The following INPP4B variants were observed in gnomAD, a reference collection of about 807,000 sequenced individuals.
INPP4B encodes inositol polyphosphate-4-phosphatase type II B.
Under a neutral mutation model 122.5 loss-of-function variants are expected in INPP4B, and 55 were observed. The observed-to-expected ratio is 0.45, with a 90% confidence interval of 0.36 to 0.56. The LOEUF is 0.56. Among genes scored for constraint, INPP4B ranks in the 20% least tolerant of loss-of-function variants. INPP4B has a pLI of 0.00. For missense variants in INPP4B, 1,000 were observed against 1,097.7 expected (o/e 0.91, Z 1.26); for synonymous variants, 403 against 388.7 (o/e 1.04, Z -0.43).
Position 142,723,936 on chromosome 4 carries a change from C to T in INPP4B, c.-191+1903G>A, listed in dbSNP as rs192268093. 1.9e-3 allele frequency among the ~76,000 whole-genome samples: 289 copies of T among 152,178 alleles called. 2 individuals are homozygous for T. The highest frequency in any genetic ancestry group is 2.9e-4 in the Non-Finnish European group (20 of 67,958). On this transcript the variant is annotated intron_variant, in intron 2 of 25. Transcript: ENST00000262992. The stretch of plus-strand genomic sequence containing the variant: ...GATAATGACATAAACGTCATTTCTC[C>T]TGGCCATAGTTCTCCCATCCCTAGC...
chr4:142,324,059 G>C (rs997709967), intron 7 of INPP4B, among the ~76,000 whole-genome samples: 1 of 152,144 alleles, frequency 6.6e-6, no homozygotes, highest in Admixed American at 6.5e-5. Flanking sequence ...CCATGGGTTA[G>C]GGTGCTAATC....
intron 2 of INPP4B, among the ~76,000 whole-genome samples, chr4:142,472,099 C>A (rs1423003324): frequency 6.6e-6 from 1 of 151,940 alleles, no homozygotes; most frequent in African/African-American, 2.4e-5. Context: ...CCTGACTGTA[C>A]AGGTGGCAAA....
Position 142,314,695 on chromosome 4 carries a change from A to G in INPP4B, c.423+17T>C. ...GAAGTGATGTGTGTGCCTTCTGGAA[A>G]CGTTAGAAACACTTACCCCAACTTC... On this transcript the variant is annotated intron_variant, in intron 8 of 25. Transcript: ENST00000262992. 6.2e-7 allele frequency: 1 copy of G among 1,600,356 alleles called. No individual in the cohort carries two copies. Among genetic ancestry groups the G allele is most frequent in the Non-Finnish European group, 8.5e-7 (1 of 1,174,808 alleles).
intron 2 of INPP4B, among the ~76,000 whole-genome samples, chr4:142,644,235 A>G (rs1751208925): frequency 7.0e-6 from 1 of 142,452 alleles, no homozygotes; most frequent in Non-Finnish European, 1.5e-5. Flanking sequence ...TAAGAAGGAG[A>G]AGGAGGAGAA....
intron 2 of INPP4B, among the ~76,000 whole-genome samples, chr4:142,552,422 T>C (rs1031550254): frequency 1.3e-5 from 2 of 151,000 alleles, no homozygotes; most frequent in Admixed American, 6.6e-5. Flanking sequence ...CCTTAAAACT[T>C]GAAGTCTTAA....
chr4:142,341,337 TA>T (rs1394767399), intron 7 of INPP4B, among the ~76,000 whole-genome samples: 1 of 152,158 alleles, frequency 6.6e-6, no homozygotes, highest in Non-Finnish European at 1.5e-5. Context: ...AAGTTATACT[TA>T]AAAAAACCTA....
intron 2 of INPP4B, among the ~76,000 whole-genome samples, chr4:142,520,395 T>G (rs914695138): frequency 6.6e-6 from 1 of 151,962 alleles, no homozygotes; most frequent in Non-Finnish European, 1.5e-5. Flanking sequence ...ATACCCATAT[T>G]AATACATTTA....
At chr4:142,341,817 G>A (rs1156366141) in intron 7 of INPP4B, among the ~76,000 whole-genome samples, 4 of 152,120 alleles carry the variant, frequency 2.6e-5, no homozygotes, top group African/African-American at 9.7e-5. Flanking sequence ...TCCAGGATCT[G>A]AGACGAGTCA....
chr4:142,647,739 T>C (rs1752098273), intron 2 of INPP4B, among the ~76,000 whole-genome samples: 1 of 152,224 alleles, frequency 6.6e-6, no homozygotes, highest in African/African-American at 2.4e-5. Flanking sequence ...TGAAGCAAAT[T>C]ACTTCTCCAG....
At chr4:142,657,432 C>A (rs984025169) in intron 2 of INPP4B, among the ~76,000 whole-genome samples, 7 of 152,172 alleles carry the variant, frequency 4.6e-5, no homozygotes, top group African/African-American at 9.7e-5. Context: ...ACTAAGAATG[C>A]AAACCTTGGC....
chr4:142,337,159 T>C (rs1776903160), intron 7 of INPP4B, among the ~76,000 whole-genome samples: 1 of 152,022 alleles, frequency 6.6e-6, no homozygotes, highest in Non-Finnish European at 1.5e-5. Flanking sequence ...AGTACATTTA[T>C]TTTCATTGTC....
chr4:142,628,605 C>T (rs970175654), intron 2 of INPP4B, among the ~76,000 whole-genome samples: 2 of 147,706 alleles, frequency 1.4e-5, no homozygotes, highest in African/African-American at 5.0e-5. Flanking sequence ...TTGTCACTTG[C>T]TACCGCACCA....
At chr4:142,160,641 T>A (rs1819648351) in intron 16 of INPP4B, 80 bp from the exon 17 acceptor site, 1 of 1,031,676 alleles carries the variant, frequency 9.7e-7, no homozygotes, top group African/African-American at 1.6e-5. Context: ...ATTGCAGATT[T>A]GTTGGTACTT....
At chr4:142,255,773 C>T (rs1051420741) in intron 11 of INPP4B, among the ~76,000 whole-genome samples, 6 of 152,202 alleles carry the variant, frequency 3.9e-5, no homozygotes, top group East Asian at 1.9e-4. Flanking sequence ...TAACTCCCCA[C>T]TGTCAACATT....
chr4:142,260,634 T>G, intron 10 of INPP4B, 70 bp from the exon 11 acceptor site: 1 of 1,052,462 alleles, frequency 9.5e-7, no homozygotes, highest in Admixed American at 2.4e-5. Flanking sequence ...ATTATTTTAT[T>G]TGCAAAACAT....
intron 1 of INPP4B, among the ~76,000 whole-genome samples, chr4:142,726,632 A>G (rs149426503): frequency 8.2e-4 from 125 of 152,340 alleles, no homozygotes; most frequent in African/African-American, 2.8e-3. Flanking sequence ...AGCTTTCCAG[A>G]AAGGACTGTT....
chr4:142,199,716 T>C (rs1334148097), intron 14 of INPP4B, among the ~76,000 whole-genome samples: 1 of 152,054 alleles, frequency 6.6e-6, no homozygotes, highest in Non-Finnish European at 1.5e-5. Context: ...TTGTAGAATG[T>C]TCCTCAGCTT....
intron 2 of INPP4B, among the ~76,000 whole-genome samples, chr4:142,526,763 T>A (rs966865690): frequency 6.6e-6 from 1 of 152,136 alleles, no homozygotes; most frequent in Admixed American, 6.6e-5. Flanking sequence ...TTTTGCTTTA[T>A]AATTTCTGTA....
At chr4:142,659,054 G>C (rs542028137) in intron 2 of INPP4B, among the ~76,000 whole-genome samples, 2 of 152,064 alleles carry the variant, frequency 1.3e-5, no homozygotes, top group Admixed American at 6.5e-5. Flanking sequence ...CCAAGTTTAA[G>C]ACTAAATTCT....
Sources: allele counts gnomAD v4.1 joint callset (sites outside exome capture counted in the v4.1 genomes callset), GRCh38; gene constraint gnomAD v4.1.1; transcripts MANE v1.5; gene names NCBI Gene and HGNC (gene_info 2026-07-23, HGNC 2026-07-21).